Variants in DPYSL2 observed in about 807,000 individuals in gnomAD.
The protein encoded by DPYSL2 is dihydropyrimidinase-related protein 2.
DPYSL2 carries 13 observed loss-of-function variants against 69.9 expected under a neutral mutation model. The ratio of observed to expected loss-of-function variants is 0.19; its 90% confidence interval spans 0.12 to 0.30. DPYSL2 has a LOEUF of 0.30. DPYSL2 is among the 10% of genes least tolerant of loss of function. DPYSL2 has a pLI of 1.00. For synonymous variants in DPYSL2, 326 were observed against 359.1 expected (o/e 0.91, Z 1.04); for missense variants, 587 against 918.9 (o/e 0.64, Z 4.67).
At position 26,657,073 on chromosome 8, in the gene DPYSL2, T is replaced by C. The variant is rs1395339830; in HGVS notation, c.*1367T>C. 2 of 152,222 alleles carry C rather than the reference T, an allele frequency of 1.3e-5. No individual in the cohort carries two copies. Among genetic ancestry groups the C allele is most frequent in the Admixed American group, 6.5e-5 (1 of 15,276 alleles). 9.4% of individuals were successfully genotyped at this position (152,222 alleles called of 1,614,324 possible). The stretch of plus-strand genomic sequence containing the variant: ...TTCGGGGAAAAACCGTATTTTTTTC[T>C]TGTCCAATTATTTCTAAAGACACAC... On this transcript the variant is annotated 3_prime_UTR_variant, in exon 14 of 14. Coordinates refer to ENST00000521913, the MANE Select transcript of DPYSL2 (RefSeq NM_001197293.3).
At chr8:26,628,053 G>A in intron 7 of DPYSL2, 113 bp downstream of exon 7, 1 of 1,097,842 alleles carries the variant, frequency 9.1e-7, no homozygotes, top group East Asian at 2.6e-5. Context: ...TGCTGACTGT[G>A]GTCTTTCTGA....
chr8:26,633,408 C>A (rs1369850930), intron 7 of DPYSL2, among the ~76,000 whole-genome samples: 8 of 152,184 alleles, frequency 5.3e-5, no homozygotes, highest in Non-Finnish European at 8.8e-5. Context: ...GGAGTCTTGC[C>A]TGATCAGATA....
rs1156497251 is a variant in DPYSL2 at position 26,591,286 on chromosome 8, G to C, written c.628+7303G>C. 6.6e-6 allele frequency among the ~76,000 whole-genome samples: 1 copy of C among 152,210 alleles called. No homozygotes were observed. The highest frequency in any genetic ancestry group is 1.5e-5 in the Non-Finnish European group (1 of 68,040). On this transcript the variant is annotated intron_variant, in intron 3 of 13. Coordinates refer to ENST00000521913, the MANE Select transcript of DPYSL2 (RefSeq NM_001197293.3). The surrounding 1 kb of genome is among the most constrained non-coding windows in gnomAD (Gnocchi z 5.8). ...ACAGCTGGAACCGGGAGTGGAGGTG[G>C]GGCCCATGGGAATGCTAGGCTCCAG...
intron 11 of DPYSL2, among the ~76,000 whole-genome samples, chr8:26,651,629 A>C (rs1338418227): frequency 6.6e-6 from 1 of 152,134 alleles, no homozygotes; most frequent in Non-Finnish European, 1.5e-5. Context: ...TGGAGACCCC[A>C]CCTATTTTCC....
chr8:26,588,129 T>C lies in DPYSL2; in HGVS notation c.628+4146T>C, dbSNP rs1801645255. Among the ~76,000 whole-genome samples the C allele has an allele frequency of 6.6e-6, 1 of 152,180 alleles. No homozygotes were observed. Among genetic ancestry groups the C allele is most frequent in the Non-Finnish European group, 1.5e-5 (1 of 68,036 alleles). ...AGTGAGCACTCCCATGTGGTAGCTATTGTCATTCCATCCTTGCTGGGTACT... is the reference window on the plus strand; with the variant it reads ...AGTGAGCACTCCCATGTGGTAGCTACTGTCATTCCATCCTTGCTGGGTACT... On this transcript the variant is annotated intron_variant, in intron 3 of 13. Transcript: ENST00000521913. This position sits in a 1 kb window ranked among gnomAD's most constrained non-coding sequence, Gnocchi z 5.4.
At chr8:26,577,153 G>A (rs1276265264) in intron 1 of DPYSL2, 3 of 447,476 alleles carry the variant, frequency 6.7e-6, no homozygotes, top group African/African-American at 2.1e-5. Context: ...GTTTCCTCAG[G>A]GCTCTCATTT....
In DPYSL2 at chr8:26,653,562, C is replaced by A. The variant is rs1450190253; in HGVS notation, c.1942+165C>A. 6.6e-6 allele frequency among the ~76,000 whole-genome samples: 1 copy of A among 152,162 alleles called. No individual in the cohort carries two copies. Among genetic ancestry groups the A allele is most frequent in the African/African-American group, 2.4e-5 (1 of 41,436 alleles). ...ACTCAGATCTCTGGAGATGTATTTT[C>A]TTTTTCTTTTTTTTGAGGCAGGGTC... On this transcript the variant is annotated intron_variant, in intron 13 of 13. Coordinates refer to ENST00000521913, the MANE Select transcript of DPYSL2 (RefSeq NM_001197293.3). The surrounding 1 kb of genome is among the most constrained non-coding windows in gnomAD (Gnocchi z 5.7).
intron 3 of DPYSL2, among the ~76,000 whole-genome samples, chr8:26,618,305 G>C (rs1329310578): frequency 7.8e-6 from 1 of 127,630 alleles, no homozygotes; most frequent in Non-Finnish European, 1.7e-5. Flanking sequence ...CATGGTATGT[G>C]GTTTTACGCC....
rs376195563 is a variant in DPYSL2 at position 26,655,743 on chromosome 8, T to C, written c.*37T>C. ...TGTGCCGTCCACTGGGGACTGGGGA[T>C]GGGACACCTGAGGACATTCTGAGAC... On this transcript the variant is annotated 3_prime_UTR_variant, in exon 14 of 14. Coordinates refer to ENST00000521913, the MANE Select transcript of DPYSL2 (RefSeq NM_001197293.3). The C allele has an allele frequency of 8.3e-5, 126 of 1,509,436 alleles. No individual in the cohort carries two copies. The highest frequency in any genetic ancestry group is 1.1e-4 in the Non-Finnish European group (120 of 1,113,512). The allele number at this position is 1,509,436 out of a possible 1,614,324, so 93.5% of individuals were successfully genotyped here.
intron 1 of DPYSL2, among the ~76,000 whole-genome samples, chr8:26,548,927 G>T (rs1256913370): frequency 6.6e-6 from 1 of 151,984 alleles, no homozygotes; most frequent in Non-Finnish European, 1.5e-5. Context: ...AGTGGCTCAC[G>T]CCTATAATCC....
chr8:26,538,199 A>G (rs1326622140), intron 1 of DPYSL2, among the ~76,000 whole-genome samples: 1 of 152,186 alleles, frequency 6.6e-6, no homozygotes, highest in Non-Finnish European at 1.5e-5. Context: ...TTTTATACTT[A>G]TTGAGGAGGA....
In DPYSL2 at chr8:26,621,603, G is replaced by A. The variant is rs1433533862; in HGVS notation, c.629-2540G>A. On this transcript the variant is annotated intron_variant, in intron 3 of 13. Coordinates refer to ENST00000521913, the MANE Select transcript of DPYSL2 (RefSeq NM_001197293.3). The surrounding 1 kb of genome is among the most constrained non-coding windows in gnomAD (Gnocchi z 4.9). ...TCTAGTCAGGGGTCAGAGAGTAAAT[G>A]AGTGAAATGGATTCAGAAACGATGC... Among the ~76,000 whole-genome samples the A allele has an allele frequency of 6.6e-6, 1 of 152,220 alleles. No individual in the cohort carries two copies. The highest frequency in any genetic ancestry group is 1.9e-4 in the East Asian group (1 of 5,190).
intron 1 of DPYSL2, among the ~76,000 whole-genome samples, chr8:26,581,135 C>T (rs1801483095): frequency 6.6e-6 from 1 of 152,118 alleles, no homozygotes; most frequent in African/African-American, 2.4e-5. Flanking sequence ...GCTATACTTG[C>T]TGTGATTTAC....
At position 26,609,995 on chromosome 8, in the gene DPYSL2, A is replaced by G. The variant is rs1802191958; in HGVS notation, c.629-14148A>G. On this transcript the variant is annotated intron_variant, in intron 3 of 13. Transcript: ENST00000521913. The surrounding 1 kb of genome is among the most constrained non-coding windows in gnomAD (Gnocchi z 6.5). ...CACACGTACACACTCACCCATGTGC[A>G]CACACACAGGCACACACATGAGAAA... 6.6e-6 allele frequency among the ~76,000 whole-genome samples: 1 copy of G among 152,202 alleles called. No individual in the cohort carries two copies. The highest frequency in any genetic ancestry group is 2.4e-5 in the African/African-American group (1 of 41,450).
Position 26,565,985 on chromosome 8 carries a change from G to A in DPYSL2, c.355-15984G>A, listed in dbSNP as rs1226567390. On this transcript the variant is annotated intron_variant, in intron 1 of 13. Coordinates refer to ENST00000521913, the MANE Select transcript of DPYSL2 (RefSeq NM_001197293.3). The surrounding 1 kb of genome is among the most constrained non-coding windows in gnomAD (Gnocchi z 4.1). The stretch of plus-strand genomic sequence containing the variant: ...CACATCTCACTGCCGATGAGGGTGG[G>A]AAATGTAGTCCAGTTGTGTGTCCTA... Among the ~76,000 whole-genome samples, 1 of 152,200 alleles carries A rather than the reference G, an allele frequency of 6.6e-6. No homozygotes were observed. The highest frequency in any genetic ancestry group is 1.5e-5 in the Non-Finnish European group (1 of 68,046).
At chr8:26,600,118 T>C (rs1801958254) in intron 3 of DPYSL2, among the ~76,000 whole-genome samples, 1 of 152,258 alleles carries the variant, frequency 6.6e-6, no homozygotes, top group African/African-American at 2.4e-5. Context: ...GGTCGAATAA[T>C]ATTACATTTA....
chr8:26,655,665 G>T lies in DPYSL2; in HGVS notation c.1993G>T (p.Ala665Ser). ...CCGCCGCACCACCCAGCGTATCGTGGCGCCCCCCGGTGGCCGTGCCAACAT... is the reference window on the plus strand; with the variant it reads ...CCGCCGCACCACCCAGCGTATCGTGTCGCCCCCCGGTGGCCGTGCCAACAT... ...IPRRTTQRIV[A>S]PPGGRANITS... is the part of the protein sequence containing the mutation. Residue 665 changes from alanine (A) to serine (S), a missense_variant, in exon 14 of 14, where the codon GCG (alanine) becomes TCG (serine). Coordinates refer to ENST00000521913, the MANE Select transcript of DPYSL2 (RefSeq NM_001197293.3). 6.2e-7 allele frequency: 1 copy of T among 1,609,606 alleles called. No individual in the cohort carries two copies.
chr8:26,572,913 G>C (rs1364437321), intron 1 of DPYSL2, among the ~76,000 whole-genome samples: 1 of 152,172 alleles, frequency 6.6e-6, no homozygotes, highest in Non-Finnish European at 1.5e-5. Context: ...TTGTGTAGGT[G>C]GTTTACTGCG....
At chr8:26,589,417 A>G (rs1801673851) in intron 3 of DPYSL2, among the ~76,000 whole-genome samples, 1 of 152,202 alleles carries the variant, frequency 6.6e-6, no homozygotes, top group Admixed American at 6.5e-5. Context: ...CACTCCTCAG[A>G]GGCACTCTGT....
Sources: gnomAD v4.1 joint callset for allele counts (sites outside exome capture counted in the v4.1 genomes callset) on GRCh38, gnomAD v4.1.1 for gene constraint, Gnocchi (gnomAD v3.1) non-coding constraint, MANE v1.5 for transcripts, NCBI Gene and HGNC (gene_info 2026-07-23, HGNC 2026-07-21) for gene names.